Variants in MTMR6 observed in about 807,000 individuals in gnomAD.
The protein encoded by MTMR6 is myotubularin related protein 6.
A neutral mutation model predicts 80.1 loss-of-function variants in MTMR6; 47 were observed. The ratio of observed to expected loss-of-function variants is 0.59; its 90% CI spans 0.46 to 0.75. The LOEUF (loss-of-function observed/expected upper bound fraction) is 0.75, where lower values mean the gene tolerates loss of function less well. Among genes scored for constraint, MTMR6 ranks in the 30% least tolerant of loss-of-function variants. MTMR6 has a pLI of 0.00. For synonymous variants in MTMR6, 254 were observed against 253.0 expected (o/e 1.00, Z -0.04); for missense variants, 629 against 730.9 (o/e 0.86, Z 1.61).
chr13:25,250,432 G>A (rs547667736), intron 13 of MTMR6, among the ~76,000 whole-genome samples: 1 of 152,028 alleles, frequency 6.6e-6, no homozygotes, highest in Non-Finnish European at 1.5e-5. Context: ...AACTAACAAA[G>A]AATTAGTGCC....
chr13:25,252,916 T>C (rs1043052701), intron 11 of MTMR6, among the ~76,000 whole-genome samples: 1 of 152,124 alleles, frequency 6.6e-6, no homozygotes, highest in African/African-American at 2.4e-5. Context: ...CTGTTGGGAG[T>C]GTGAGCATGT....
chr13:25,252,339 T>C (rs1957108225), intron 11 of MTMR6, among the ~76,000 whole-genome samples: 1 of 152,218 alleles, frequency 6.6e-6, no homozygotes, highest in Non-Finnish European at 1.5e-5. Context: ...CTAATGCATC[T>C]TTCTGTCTGG....
chr13:25,281,842 T>C (rs979171796), intron 1 of MTMR6, among the ~76,000 whole-genome samples: 1 of 152,210 alleles, frequency 6.6e-6, no homozygotes, highest in African/African-American at 2.4e-5. Flanking sequence ...TCTAGAACAG[T>C]GTCTGGCTGC....
chr13:25,257,094 TC>T lies in MTMR6; in HGVS notation c.1095+101del, dbSNP rs1957225869. On this transcript the variant is annotated intron_variant, in intron 9 of 13. Transcript: ENST00000381801. Reference sequence around the variant, plus strand: ...TCCCACGGATGCCAGTCTCATCATTTCCTTTAGTGCAAAACTGTCTCCAACA... The same window carrying T: ...TCCCACGGATGCCAGTCTCATCATTTCTTTAGTGCAAAACTGTCTCCAACA... 5 of 1,234,994 alleles carry T rather than the reference TC, an allele frequency of 4.0e-6. No homozygotes were observed. The South Asian group carries it at 6.2e-5, about 15-fold the overall frequency. 76.5% of individuals were successfully genotyped at this position (1,234,994 alleles called of 1,614,324 possible). A position where few individuals can be genotyped will look rare whatever the true frequency, so the allele number is the denominator to read the frequency against.
rs1342004081 is a variant in MTMR6, at chr13:25,248,178, C to T, written c.*1054G>A. ...ACTTCAAAATTCATGCAACCATGCACAACCTAAACTATCTGTACTTCCCTT... is the reference window on the plus strand; with the variant it reads ...ACTTCAAAATTCATGCAACCATGCATAACCTAAACTATCTGTACTTCCCTT... On this transcript the variant is annotated 3_prime_UTR_variant, in exon 14 of 14. Transcript: ENST00000381801. 1 of 152,088 alleles carries T rather than the reference C, an allele frequency of 6.6e-6. No individual in the cohort carries two copies. The highest frequency in any genetic ancestry group is 1.5e-5 in the Non-Finnish European group (1 of 67,966). The allele number at this position is 152,088 out of a possible 1,614,324, so 9.4% of individuals were successfully genotyped here.
intron 5 of MTMR6, among the ~76,000 whole-genome samples, chr13:25,264,880 C>T (rs1466537154): frequency 6.6e-6 from 1 of 151,090 alleles, no homozygotes; most frequent in East Asian, 2.0e-4. Flanking sequence ...AATTCCTCAA[C>T]TTACTTGCTG....
intron 1 of MTMR6, among the ~76,000 whole-genome samples, chr13:25,281,802 G>A (rs1957853659): frequency 6.6e-6 from 1 of 152,194 alleles, no homozygotes; most frequent in African/African-American, 2.4e-5. Context: ...GGAGGGCAGA[G>A]ATTATGGTTT....
intron 3 of MTMR6, 136 bp downstream of exon 3, chr13:25,267,642 TG>T: frequency 1.3e-6 from 1 of 768,890 alleles, no homozygotes; most frequent in Non-Finnish European, 2.0e-6. Context: ...CAGGCCAATA[TG>T]GGGGAGATAG....
rs144877646 is a variant in MTMR6 at position 25,267,815 on chromosome 13, C to T, written c.268G>A (p.Asp90Asn). ...FIVPRERDCHDIYNSLLQLSK... is the reference protein window; with the variant it reads ...FIVPRERDCHNIYNSLLQLSK... Reference sequence around the variant, plus strand: ...AGTTGTAGCAAAGAGTTGTAAATATCATGGCAATCTCTTTCTCTGGGAACA... The same window carrying T: ...AGTTGTAGCAAAGAGTTGTAAATATTATGGCAATCTCTTTCTCTGGGAACA... The change falls in exon 3 of 14, where the codon GAT (aspartate) becomes AAT (asparagine). Residue 90 changes from aspartate (D) to asparagine (N), a missense_variant. By Grantham distance (23) the Asp-to-Asn change is conservative. Coordinates refer to ENST00000381801, the MANE Select transcript of MTMR6 (RefSeq NM_004685.5). 2,314 of 1,613,812 alleles carry T rather than the reference C, an allele frequency of 1.4e-3. 3 individuals are homozygous for T. The highest frequency in any genetic ancestry group is 1.6e-3 in the Non-Finnish European group (1,891 of 1,179,850).
At chr13:25,280,574 T>A (rs1957822181) in intron 1 of MTMR6, among the ~76,000 whole-genome samples, 2 of 152,184 alleles carry the variant, frequency 1.3e-5, no homozygotes, top group Non-Finnish European at 2.9e-5. Flanking sequence ...TATTTCCCCC[T>A]TTCAGCAAGG....
In MTMR6 at chr13:25,251,016, T is replaced by G. The variant is rs200678076; in HGVS notation, c.1605+633A>C. ...TAGATCTATGTTTTATTTCTTTTTTTTTTGTTTGTTTTTGTTTTGAGATGG... is the reference window on the plus strand; with the variant it reads ...TAGATCTATGTTTTATTTCTTTTTTGTTTGTTTGTTTTTGTTTTGAGATGG... On this transcript the variant is annotated intron_variant, in intron 13 of 13. Transcript: ENST00000381801. This position sits in a 1 kb window ranked among gnomAD's most constrained non-coding sequence, Gnocchi z 4.1. Among the ~76,000 whole-genome samples, 846 of 152,134 alleles carry G rather than the reference T, an allele frequency of 5.6e-3. 33 individuals carry two copies. In the East Asian group the frequency reaches 0.093, roughly 17 times the overall value.
intron 9 of MTMR6, among the ~76,000 whole-genome samples, chr13:25,254,829 AT>A (rs1311029620): frequency 6.6e-6 from 1 of 151,000 alleles, no homozygotes; most frequent in Non-Finnish European, 1.5e-5. Context: ...TGAGGTGGAT[AT>A]TTTAAAACTT....
intron 6 of MTMR6, 56 bp from the exon 7 acceptor site, chr13:25,258,748 A>C: frequency 7.1e-7 from 1 of 1,409,668 alleles, no homozygotes; most frequent in Non-Finnish European, 9.3e-7. Context: ...ATTTACCAAA[A>C]TGTCATGAAA....
chr13:25,282,502 T>C (rs946333421), intron 1 of MTMR6, among the ~76,000 whole-genome samples: 2 of 152,120 alleles, frequency 1.3e-5, no homozygotes, highest in African/African-American at 4.8e-5. Flanking sequence ...AGAAGGAAAT[T>C]AGAACACGGA....
intron 1 of MTMR6, among the ~76,000 whole-genome samples, chr13:25,274,598 A>G (rs1406928758): frequency 6.6e-6 from 1 of 152,168 alleles, no homozygotes; most frequent in Non-Finnish European, 1.5e-5. Context: ...AAACATTTAA[A>G]TGGTTGCCAA....
rs1319417320 is a variant in MTMR6 at position 25,248,581 on chromosome 13, GTACTTC to G, written c.*645_*650del. The G allele has an allele frequency of 6.6e-6, 1 of 152,300 alleles. No individual in the cohort carries two copies. Among genetic ancestry groups the G allele is most frequent in the Non-Finnish European group, 1.5e-5 (1 of 68,004 alleles). 9.4% of individuals were successfully genotyped at this position (152,300 alleles called of 1,614,324 possible). A position where few individuals can be genotyped will look rare whatever the true frequency, so the allele number is the denominator to read the frequency against. On this transcript the variant is annotated 3_prime_UTR_variant, in exon 14 of 14. Transcript: ENST00000381801. ...GTGGGGCAGGCTAAACGTGAACAGTGTACTTCTACAAGTGTTTATATAGAAGTATTG... is the reference window on the plus strand; with the variant it reads ...GTGGGGCAGGCTAAACGTGAACAGTGTACAAGTGTTTATATAGAAGTATTG...
rs1238106821 is a variant in MTMR6, at chr13:25,251,565, T to C, written c.1605+84A>G. The C allele has an allele frequency of 8.1e-7, 1 of 1,233,188 alleles. No homozygotes were observed. The highest frequency in any genetic ancestry group is 1.1e-6 in the Non-Finnish European group (1 of 891,430). 76.4% of individuals were successfully genotyped at this position (1,233,188 alleles called of 1,614,324 possible). ...CTGCTTACTTCAGAAGTTTATGTGC[T>C]GATTTACACCAACAATACAAATATT... On this transcript the variant is annotated intron_variant, in intron 13 of 13. Coordinates refer to ENST00000381801, the MANE Select transcript of MTMR6 (RefSeq NM_004685.5). This position sits in a 1 kb window ranked among gnomAD's most constrained non-coding sequence, Gnocchi z 4.1.
intron 13 of MTMR6, 62 bp from the exon 14 acceptor site, chr13:25,249,554 A>G (rs1957043507): frequency 6.6e-7 from 1 of 1,519,884 alleles, no homozygotes; most frequent in Non-Finnish European, 8.9e-7. Context: ...GTTACATGAA[A>G]AAAGAAAACA....
chr13:25,265,760 T>C, intron 5 of MTMR6, 59 bp downstream of exon 5: 1 of 1,513,814 alleles, frequency 6.6e-7, no homozygotes, highest in Non-Finnish European at 9.0e-7. Context: ...TTATTTTAGA[T>C]ACTTAAACCT....
Sources: allele counts gnomAD v4.1 joint callset (sites outside exome capture counted in the v4.1 genomes callset), GRCh38; gene constraint gnomAD v4.1.1; non-coding constraint Gnocchi (gnomAD v3.1); transcripts MANE v1.5; gene names NCBI Gene and HGNC (gene_info 2026-07-23, HGNC 2026-07-21).